Variants in SCN11A observed in about 807,000 individuals in gnomAD.
SCN11A encodes the protein sodium voltage-gated channel alpha subunit 11, also known as sodium channel protein type 11 subunit alpha.
SCN11A carries 122 observed loss-of-function variants against 162.2 expected under a neutral mutation model. The ratio of observed to expected loss-of-function variants is 0.75; its 90% CI spans 0.65 to 0.87. The LOEUF (loss-of-function observed/expected upper bound fraction) is 0.87, where lower values mean the gene tolerates loss of function less well. SCN11A is among the 40% of genes least tolerant of loss of function. The pLI is 0.00. For synonymous variants in SCN11A, 758 were observed against 751.5 expected (o/e 1.01, Z -0.14); for missense variants, 2,015 against 2,181.6 (o/e 0.92, Z 1.52).
intron 28 of SCN11A, among the ~76,000 whole-genome samples, chr3:38,857,904 T>TA (rs2064896610): frequency 1.3e-5 from 2 of 152,008 alleles, no homozygotes; most frequent in African/African-American, 2.4e-5. Context: ...CTAAGCTTCA[T>TA]AAAAAGAGGG....
intron 2 of SCN11A, among the ~76,000 whole-genome samples, chr3:38,997,044 C>T (rs1027462467): frequency 2.6e-5 from 4 of 152,154 alleles, no homozygotes; most frequent in African/African-American, 9.7e-5. Context: ...CCTGCTTCCA[C>T]CCTTGCCCCC....
chr3:38,995,199 C>T (rs912178707), intron 2 of SCN11A, among the ~76,000 whole-genome samples: 3 of 151,208 alleles, frequency 2.0e-5, no homozygotes, highest in South Asian at 4.2e-4. Context: ...GGCGCGATCT[C>T]GGCTCACTCC....
intron 7 of SCN11A, among the ~76,000 whole-genome samples, chr3:38,931,756 T>A (rs903735057): frequency 1.3e-5 from 2 of 152,216 alleles, no homozygotes; most frequent in South Asian, 4.1e-4. Context: ...AAACAGCTGC[T>A]AGCCAGCTTT....
intron 1 of SCN11A, among the ~76,000 whole-genome samples, chr3:39,046,995 A>G (rs2032197407): frequency 6.7e-6 from 1 of 148,222 alleles, no homozygotes; most frequent in Non-Finnish European, 1.5e-5. Context: ...TGCTGGGATT[A>G]TAGGTGTGAG....
intron 19 of SCN11A, among the ~76,000 whole-genome samples, chr3:38,892,757 G>T (rs1296484624): frequency 6.6e-6 from 1 of 151,984 alleles, no homozygotes; most frequent in Non-Finnish European, 1.5e-5. Flanking sequence ...AGCTATATAT[G>T]AGTAATATTT....
chr3:38,939,713 G>C (rs2066411209), intron 7 of SCN11A, among the ~76,000 whole-genome samples: 1 of 152,056 alleles, frequency 6.6e-6, no homozygotes, highest in African/African-American at 2.4e-5. Context: ...AGATCAGCCT[G>C]ACCAACATGG....
At chr3:38,951,106 G>A (rs2066606941) in intron 4 of SCN11A, among the ~76,000 whole-genome samples, 1 of 152,244 alleles carries the variant, frequency 6.6e-6, no homozygotes, top group Non-Finnish European at 1.5e-5. Flanking sequence ...TTTCTGGGCT[G>A]GCCAAGGCCA....
rs1194464342 is a variant in SCN11A at position 38,904,042 on chromosome 3, G to C, written c.1665C>G (p.Leu555=). The C allele has an allele frequency of 1.2e-6, 2 of 1,603,534 alleles. No homozygotes were observed. Among genetic ancestry groups the C allele is most frequent in the Non-Finnish European group, 1.7e-6 (2 of 1,177,008 alleles). The part of the protein sequence containing the change: ...PCGENLASKY[L]VWNCCPQWLC... ...GCCACTGGGGGCAACAGTTCCACAC[G>C]AGGTACTTGGATGCCAGGTTTTCTC... Residue 555 remains leucine (L), a synonymous_variant, in exon 16 of 30, where the codon CTC becomes CTG. Transcript: ENST00000302328.
chr3:39,042,974 A>AAAAAAAAAAAAAG (rs56332636), intron 1 of SCN11A, among the ~76,000 whole-genome samples: 194 of 103,530 alleles, frequency 1.9e-3, no homozygotes, highest in African/African-American at 5.7e-3. Flanking sequence ...AAAAAAAAAA[A>AAAAAAAAAAAAAG]AAAAAGAAAA....
intron 19 of SCN11A, among the ~76,000 whole-genome samples, chr3:38,892,679 G>T (rs1389828918): frequency 1.3e-5 from 2 of 151,742 alleles, no homozygotes; most frequent in Non-Finnish European, 2.9e-5. Context: ...AAAGTTGTTT[G>T]GGTTTTAACA....
At chr3:39,045,251 CA>C (rs1360621745) in intron 1 of SCN11A, among the ~76,000 whole-genome samples, 5 of 151,992 alleles carry the variant, frequency 3.3e-5, no homozygotes, top group Admixed American at 1.3e-4. Context: ...CAAATTATTC[CA>C]AAAAATTGAA....
intron 26 of SCN11A, among the ~76,000 whole-genome samples, chr3:38,868,710 T>G (rs919933358): frequency 7.2e-5 from 11 of 152,294 alleles, no homozygotes; most frequent in Admixed American, 5.9e-4. Flanking sequence ...AAAGGGGGGT[T>G]GGAATGCAGT....
intron 7 of SCN11A, among the ~76,000 whole-genome samples, chr3:38,930,325 T>C (rs911141461): frequency 6.6e-6 from 1 of 152,224 alleles, no homozygotes; most frequent in African/African-American, 2.4e-5. Flanking sequence ...TCCTCCTTGC[T>C]TCAGGCTTTT....
At chr3:39,009,345 A>G (rs755956010) in intron 2 of SCN11A, among the ~76,000 whole-genome samples, 1 of 151,860 alleles carries the variant, frequency 6.6e-6, no homozygotes, top group Non-Finnish European at 1.5e-5. Flanking sequence ...GACCCATATA[A>G]TCAAAAGCTC....
intron 1 of SCN11A, among the ~76,000 whole-genome samples, chr3:39,036,426 A>T (rs1391360168): frequency 3.3e-5 from 5 of 152,140 alleles, no homozygotes; most frequent in Non-Finnish European, 7.4e-5. Context: ...ATTACAGGCA[A>T]GAGCCACCAC....
At chr3:39,021,716 AG>A (rs1357486484) in intron 2 of SCN11A, among the ~76,000 whole-genome samples, 1 of 152,200 alleles carries the variant, frequency 6.6e-6, no homozygotes, top group Non-Finnish European at 1.5e-5. Context: ...TGGGTGGGCA[AG>A]GGAAGGATTC....
intron 27 of SCN11A, 126 bp downstream of exon 27, chr3:38,867,194 TC>T: frequency 1.2e-6 from 1 of 825,644 alleles, no homozygotes; most frequent in Non-Finnish European, 1.9e-6. Flanking sequence ...CATGGGAGGC[TC>T]CCTCCTTGTT....
intron 11 of SCN11A, among the ~76,000 whole-genome samples, chr3:38,914,572 A>C (rs1271467344): frequency 6.6e-6 from 1 of 152,080 alleles, no homozygotes; most frequent in Non-Finnish European, 1.5e-5. Flanking sequence ...GCTACTTTTC[A>C]AGGAGAATGC....
At chr3:39,042,569 A>C (rs1287420246) in intron 1 of SCN11A, among the ~76,000 whole-genome samples, 1 of 152,210 alleles carries the variant, frequency 6.6e-6, no homozygotes, top group Non-Finnish European at 1.5e-5. Context: ...AGAAAATATT[A>C]GCAAACTATC....
Sources: allele counts gnomAD v4.1 joint callset (sites outside exome capture counted in the v4.1 genomes callset), GRCh38; gene constraint gnomAD v4.1.1; transcripts MANE v1.5; gene names NCBI Gene and HGNC (gene_info 2026-07-23, HGNC 2026-07-21).